FOLH1: variants seen among roughly 807,000 people sequenced by gnomAD.
FOLH1 encodes the protein glutamate carboxypeptidase 2.
FOLH1 carries 54 observed loss-of-function variants against 93.9 expected under a neutral mutation model. The observed-to-expected ratio is 0.57, with a 90% confidence interval of 0.46 to 0.72. The LOEUF (loss-of-function observed/expected upper bound fraction) is 0.72. Ranked by LOEUF, FOLH1 falls within the 30% of genes least tolerant of loss-of-function variation. The probability of loss-of-function intolerance (pLI) is 0.00; values close to 1 mark genes in which losing one functional copy is unlikely to be tolerated. For synonymous variants in FOLH1, 249 were observed against 303.6 expected (o/e 0.82, Z 1.87); for missense variants, 571 against 892.5 (o/e 0.64, Z 4.59).
At chr11:49,150,867 G>A (rs7946236) in intron 17 of FOLH1, among the ~76,000 whole-genome samples, 6,103 of 152,120 alleles carry the variant, frequency 0.04, 146 homozygotes, top group Non-Finnish European at 0.052. Flanking sequence ...GAATCATCTT[G>A]TTCATTAATT....
In FOLH1 at chr11:49,180,633, G is replaced by A. The variant is rs921126116; in HGVS notation, c.920+2516C>T. Among the ~76,000 whole-genome samples the A allele has an allele frequency of 1.8e-4, 27 of 152,234 alleles. 1 individual carries two copies. The highest frequency in any genetic ancestry group is 6.0e-4 in the African/African-American group (25 of 41,524). On this transcript the variant is annotated intron_variant, in intron 7 of 18. Coordinates refer to ENST00000256999, the MANE Select transcript of FOLH1 (RefSeq NM_004476.3). ...CAATGCTAAACTGCTAACCACTTGA[G>A]AGAACCTCAGAATTGAGTATCTTGG... is the stretch of plus-strand genomic sequence containing the variant.
At chr11:49,153,815 A>T in intron 17 of FOLH1, 31 bp downstream of exon 17, 1 of 1,427,794 alleles carries the variant, frequency 7.0e-7, no homozygotes, top group Non-Finnish European at 9.5e-7. Context: ...ACACACACAT[A>T]CACACATATG....
intron 4 of FOLH1, among the ~76,000 whole-genome samples, chr11:49,191,792 G>A (rs950764426): frequency 6.6e-5 from 10 of 152,078 alleles, no homozygotes; most frequent in Non-Finnish European, 1.2e-4. Context: ...CCGCCTCCCG[G>A]GTTCACGCCA....
At chr11:49,203,016 T>C (rs1022577930) in intron 2 of FOLH1, among the ~76,000 whole-genome samples, 2 of 152,264 alleles carry the variant, frequency 1.3e-5, no homozygotes, top group African/African-American at 4.8e-5. Flanking sequence ...ATTCTTATTC[T>C]TACCTTTTCT....
At chr11:49,167,273 T>C (rs2299647) in intron 12 of FOLH1, among the ~76,000 whole-genome samples, 78,741 of 151,906 alleles carry the variant, frequency 0.52, 21,843 homozygotes, top group Admixed American at 0.62. Flanking sequence ...ATGTAACTTT[T>C]TTTGCCCTTA....
chr11:49,193,936 G>A (rs572028986), intron 3 of FOLH1, among the ~76,000 whole-genome samples: 1 of 152,068 alleles, frequency 6.6e-6, no homozygotes, highest in Admixed American at 6.5e-5. Flanking sequence ...AAGGTGGGTG[G>A]ATCACGAGGT....
chr11:49,187,604 C>T, intron 4 of FOLH1, among the ~76,000 whole-genome samples: 1 of 151,494 alleles, frequency 6.6e-6, no homozygotes, highest in East Asian at 1.9e-4. Flanking sequence ...TTTGTCATCT[C>T]TTTTTTTTTC....
In FOLH1 at chr11:49,208,445, G is replaced by T. The variant is rs768289590; in HGVS notation, c.-36C>A. Reference sequence around the variant, plus strand: ...GCAGAGCCGGCCTCCCGGGACCCGCGCCTGTGCTGCTGCTCTACTGCGCGC... The same window carrying T: ...GCAGAGCCGGCCTCCCGGGACCCGCTCCTGTGCTGCTGCTCTACTGCGCGC... On this transcript the variant is annotated 5_prime_UTR_variant, in exon 1 of 19. Transcript: ENST00000256999. 2.7e-6 allele frequency: 4 copies of T among 1,467,912 alleles called. No homozygotes were observed. Among genetic ancestry groups the T allele is most frequent in the Non-Finnish European group, 3.7e-6 (4 of 1,068,388 alleles). 90.9% of individuals were successfully genotyped at this position (1,467,912 alleles called of 1,614,324 possible). A position where few individuals can be genotyped will look rare whatever the true frequency, so the allele number is the denominator to read the frequency against.
Position 49,153,913 on chromosome 11 carries a change from C to A in FOLH1, c.1903G>T (p.Ala635Ser). The A allele has an allele frequency of 2.5e-6, 4 of 1,599,678 alleles. No individual in the cohort carries two copies. Among genetic ancestry groups the A allele is most frequent in the Non-Finnish European group, 3.4e-6 (4 of 1,174,848 alleles). Residue 635 changes from alanine to serine, a missense_variant, in exon 17 of 19, where the codon GCA becomes TCA. Coordinates refer to ENST00000256999, the MANE Select transcript of FOLH1 (RefSeq NM_004476.3). ...YSVSFDSLFS[A>S]VKNFTEIASK... ...GCAATTTCTGTAAAATTCTTTACTG[C>A]AGAAAAAAGTGAATCTGAAATAGAA...
intron 4 of FOLH1, among the ~76,000 whole-genome samples, chr11:49,187,342 C>A (rs2135212732): frequency 6.6e-6 from 1 of 152,154 alleles, no homozygotes; most frequent in South Asian, 2.1e-4. Context: ...ATCTTCCAAC[C>A]TTTTTTGCTC....
intron 1 of FOLH1, 79 bp downstream of exon 1, chr11:49,208,213 C>A (rs1347422788): frequency 1.9e-6 from 2 of 1,062,950 alleles, no homozygotes. Context: ...GGATCCCACT[C>A]GGCAGCTGAC....
chr11:49,176,072 A>C lies in FOLH1; in HGVS notation c.921-115T>G, dbSNP rs1246672000. 3.3e-6 allele frequency: 3 copies of C among 899,678 alleles called. No homozygotes were observed. The African/African-American group carries it at 5.1e-5, about 15-fold the overall frequency. The allele number at this position is 899,678 out of a possible 1,614,324, so 55.7% of individuals were successfully genotyped here. Reference sequence around the variant, plus strand: ...CTCATAATATCTTTAATGAGTGCAAAGTGCTTTGAATATAATACGTCATTT... The same window carrying C: ...CTCATAATATCTTTAATGAGTGCAACGTGCTTTGAATATAATACGTCATTT... On this transcript the variant is annotated intron_variant, in intron 7 of 18. Transcript: ENST00000256999.
intron 9 of FOLH1, among the ~76,000 whole-genome samples, chr11:49,174,527 T>C (rs1314384650): frequency 3.3e-5 from 5 of 152,142 alleles, no homozygotes; most frequent in Non-Finnish European, 7.4e-5. Context: ...TTTATATAGA[T>C]GTTTATAGTT....
At position 49,154,270 on chromosome 11, in the gene FOLH1, T is replaced by C. The variant is rs755164162; in HGVS notation, c.1846A>G (p.Met616Val). 7 of 1,613,366 alleles carry C rather than the reference T, an allele frequency of 4.3e-6. No homozygotes were observed. The African/African-American group carries it at 6.7e-5, about 15-fold the overall frequency. ...GTCTTCATTTCCTGTGGATGTTTCATAGAAATACTGTAGATTTTGTCAGCA... is the reference window on the plus strand; with the variant it reads ...GTCTTCATTTCCTGTGGATGTTTCACAGAAATACTGTAGATTTTGTCAGCA... ...KYADKIYSIS[M>V]KHPQEMKTYS... Residue 616 changes from methionine to valine, a missense_variant, in exon 16 of 19, where the codon ATG becomes GTG. This residue lies in a region of FOLH1 where 500 missense variants were observed against 822.9 expected (regional missense o/e 0.61). Transcript: ENST00000256999.
chr11:49,147,819 T>C (rs1855952324), intron 18 of FOLH1, among the ~76,000 whole-genome samples: 1 of 152,010 alleles, frequency 6.6e-6, no homozygotes, highest in South Asian at 2.1e-4. Context: ...CCTAGCTTCT[T>C]TGGAGGCTGC....
intron 3 of FOLH1, 117 bp from the exon 4 acceptor site, chr11:49,193,011 G>A: frequency 1.3e-6 from 1 of 751,836 alleles, no homozygotes; most frequent in Non-Finnish European, 2.0e-6. Flanking sequence ...GAATCCTTCA[G>A]GATTTTGATG....
intron 16 of FOLH1, 141 bp from the exon 17 acceptor site, chr11:49,154,068 G>A (rs190062771): frequency 1.8e-5 from 24 of 1,335,384 alleles, no homozygotes; most frequent in Admixed American, 7.6e-5. Flanking sequence ...ATTATAAGAC[G>A]TGAGCATCCA....
At chr11:49,166,844 G>C (rs144133183) in intron 12 of FOLH1, among the ~76,000 whole-genome samples, 1,687 of 152,240 alleles carry the variant, frequency 0.011, 12 homozygotes, top group Non-Finnish European at 0.016. Flanking sequence ...GATGACATAA[G>C]TAGCAAAGCT....
At chr11:49,181,502 T>G (rs186448581) in intron 7 of FOLH1, among the ~76,000 whole-genome samples, 1 of 152,270 alleles carries the variant, frequency 6.6e-6, no homozygotes, top group Admixed American at 6.5e-5. Flanking sequence ...AGCATTTTTC[T>G]ATATTATTAA....
Sources: gnomAD v4.1 joint callset for allele counts (sites outside exome capture counted in the v4.1 genomes callset) on GRCh38, gnomAD v4.1.1 for gene constraint, gnomAD v4.1.1 regional missense constraint, MANE v1.5 for transcripts, NCBI Gene and HGNC (gene_info 2026-07-23, HGNC 2026-07-21) for gene names.